Variants in PARM1 observed in about 807,000 individuals in gnomAD.
PARM1 encodes the protein WSC4, cell wall integrity and stress response component 4 homolog.
PARM1 carries 14 observed loss-of-function variants against 24.6 expected under a neutral mutation model. That is an observed-to-expected ratio of 0.57 (90% CI 0.38 to 0.89). The LOEUF is 0.89. Ranked by LOEUF, PARM1 falls within the 40% of genes least tolerant of loss-of-function variation. The probability of loss-of-function intolerance (pLI) is 0.00; values close to 1 mark genes in which losing one functional copy is unlikely to be tolerated. For synonymous variants in PARM1, 179 were observed against 156.6 expected (o/e 1.14, Z -1.07); for missense variants, 362 against 380.4 (o/e 0.95, Z 0.40).
intron 1 of PARM1, among the ~76,000 whole-genome samples, chr4:74,970,648 C>T (rs938660793): frequency 6.6e-5 from 10 of 152,118 alleles, no homozygotes; most frequent in South Asian, 2.1e-4. Context: ...TAGATTTTAC[C>T]GAGCATGTTT....
At chr4:74,997,236 A>G (rs1269084125) in intron 1 of PARM1, among the ~76,000 whole-genome samples, 2 of 152,184 alleles carry the variant, frequency 1.3e-5, no homozygotes, top group African/African-American at 4.8e-5. Flanking sequence ...ACCAAGGGAC[A>G]TGTTGGCATC....
chr4:75,018,994 G>A (rs1723039146), intron 2 of PARM1, among the ~76,000 whole-genome samples: 1 of 152,248 alleles, frequency 6.6e-6, no homozygotes, highest in Non-Finnish European at 1.5e-5. Flanking sequence ...GTTGCCAGAT[G>A]TTGCCAGCTG....
chr4:75,032,059 C>T (rs1334124026), intron 2 of PARM1, among the ~76,000 whole-genome samples: 2 of 152,152 alleles, frequency 1.3e-5, no homozygotes, highest in Non-Finnish European at 2.9e-5. Flanking sequence ...CACATTTGAG[C>T]ATTCAGTGCC....
chr4:74,996,063 A>T (rs1457876020), intron 1 of PARM1, among the ~76,000 whole-genome samples: 1 of 152,024 alleles, frequency 6.6e-6, no homozygotes, highest in African/African-American at 2.4e-5. Context: ...CATCCACACC[A>T]CTATTCTTCC....
intron 3 of PARM1, among the ~76,000 whole-genome samples, chr4:75,035,677 G>C (rs1723356105): frequency 6.6e-6 from 1 of 151,988 alleles, no homozygotes; most frequent in South Asian, 2.1e-4. Context: ...TTCTAAATGT[G>C]CATCAAATCA....
intron 2 of PARM1, among the ~76,000 whole-genome samples, chr4:75,019,280 C>G (rs1051405257): frequency 6.6e-6 from 1 of 152,156 alleles, no homozygotes; most frequent in Non-Finnish European, 1.5e-5. Context: ...TCAGTACATG[C>G]CTGAGGGATT....
intron 1 of PARM1, among the ~76,000 whole-genome samples, chr4:74,952,258 A>G (rs552454409): frequency 6.6e-6 from 1 of 152,268 alleles, no homozygotes; most frequent in South Asian, 2.1e-4. Context: ...GTCTGTTCAT[A>G]TACTTTGCCC....
chr4:74,960,145 TG>T (rs1443508583), intron 1 of PARM1, among the ~76,000 whole-genome samples: 3 of 152,232 alleles, frequency 2.0e-5, no homozygotes, highest in African/African-American at 4.8e-5. Context: ...ATATATATTC[TG>T]ATTGCTGATT....
chr4:74,981,312 A>G (rs542199681), intron 1 of PARM1, among the ~76,000 whole-genome samples: 2 of 152,360 alleles, frequency 1.3e-5, no homozygotes, highest in Non-Finnish European at 2.9e-5. Context: ...GGACATGAGC[A>G]TATACTTCTT....
intron 1 of PARM1, 107 bp downstream of exon 1, chr4:74,933,477 C>T: frequency 1.0e-6 from 1 of 963,650 alleles, no homozygotes; most frequent in South Asian, 1.4e-5. Flanking sequence ...CGCCGCGCGC[C>T]TCCGGGTGAG....
rs1216253833 is a variant in PARM1 at position 74,933,151 on chromosome 4, C to G, written c.-177C>G. 1 of 561,634 alleles carries G rather than the reference C, an allele frequency of 1.8e-6. No individual in the cohort carries two copies. The highest frequency in any genetic ancestry group is 2.0e-5 in the African/African-American group (1 of 50,596). 34.8% of individuals were successfully genotyped at this position (561,634 alleles called of 1,614,324 possible). A position where few individuals can be genotyped will look rare whatever the true frequency, so the allele number is the denominator to read the frequency against. Reference sequence around the variant, plus strand: ...GGAGCACCGGAGGGCACGCAGCTGACGGAGCTGCGCTGCGTTCGCCTCGTT... The same window carrying G: ...GGAGCACCGGAGGGCACGCAGCTGAGGGAGCTGCGCTGCGTTCGCCTCGTT... On this transcript the variant is annotated 5_prime_UTR_variant, in exon 1 of 4. Transcript: ENST00000307428.
At chr4:74,985,916 G>A (rs755096379) in intron 1 of PARM1, among the ~76,000 whole-genome samples, 5 of 151,974 alleles carry the variant, frequency 3.3e-5, no homozygotes, top group Non-Finnish European at 4.4e-5. Context: ...CTACAGGTGT[G>A]TGCCACCACG....
At chr4:74,971,056 T>C (rs764732423) in intron 1 of PARM1, among the ~76,000 whole-genome samples, 2 of 152,206 alleles carry the variant, frequency 1.3e-5, no homozygotes, top group African/African-American at 2.4e-5. Context: ...TTGCTTACTA[T>C]GTTTCATCAA....
chr4:75,027,151 C>T (rs748447767), intron 2 of PARM1, among the ~76,000 whole-genome samples: 75 of 152,262 alleles, frequency 4.9e-4, no homozygotes, highest in Non-Finnish European at 9.3e-4. Flanking sequence ...CAGAGGCTGG[C>T]ACTACTCACC....
Position 75,024,591 on chromosome 4 carries a change from T to C in PARM1, c.770-9292T>C, listed in dbSNP as rs144298344. 7.1e-3 allele frequency among the ~76,000 whole-genome samples: 1,081 copies of C among 152,356 alleles called. 7 individuals are homozygous for C. Among genetic ancestry groups the C allele is most frequent in the Middle Eastern group, 0.02 (6 of 294 alleles). ...GTGTGGAAGCTCTCACTTGCCAAGG[T>C]TGGTGAACCCCACAAGGATCTGAGC... is the stretch of plus-strand genomic sequence containing the variant. On this transcript the variant is annotated intron_variant, in intron 2 of 3. Transcript: ENST00000307428.
chr4:74,971,460 G>T (rs1722036429), intron 1 of PARM1, among the ~76,000 whole-genome samples: 1 of 151,920 alleles, frequency 6.6e-6, no homozygotes, highest in African/African-American at 2.4e-5. Flanking sequence ...TTTTTTTTAA[G>T]CTTTTGTTTT....
intron 3 of PARM1, among the ~76,000 whole-genome samples, chr4:75,041,805 C>A (rs936764531): frequency 5.9e-5 from 9 of 152,086 alleles, no homozygotes; most frequent in African/African-American, 2.2e-4. Context: ...AGAAAGAGAG[C>A]AATGAGGGAA....
chr4:74,990,199 T>C (rs1362159555), intron 1 of PARM1, among the ~76,000 whole-genome samples: 2 of 152,130 alleles, frequency 1.3e-5, no homozygotes, highest in African/African-American at 4.8e-5. Context: ...GCAGGGAAGA[T>C]GCATTTTGGA....
chr4:74,969,238 T>C (rs1721973377), intron 1 of PARM1, among the ~76,000 whole-genome samples: 2 of 152,130 alleles, frequency 1.3e-5, no homozygotes, highest in Admixed American at 1.3e-4. Context: ...CCCTTGTCGT[T>C]GTGTTGAGGG....
Sources: gnomAD v4.1 joint callset for allele counts (sites outside exome capture counted in the v4.1 genomes callset) on GRCh38, gnomAD v4.1.1 for gene constraint, MANE v1.5 for transcripts, NCBI Gene and HGNC (gene_info 2026-07-23, HGNC 2026-07-21) for gene names.